CFAP20DC: variants seen among roughly 807,000 people sequenced by gnomAD.
CFAP20DC encodes the protein CFAP20 domain containing.
CFAP20DC carries 84 observed loss-of-function variants against 101.7 expected under a neutral mutation model. That is an observed-to-expected ratio of 0.83 (90% CI 0.69 to 0.99). The LOEUF (loss-of-function observed/expected upper bound fraction) is 0.99. CFAP20DC is among the 50% of genes least tolerant of loss of function. The pLI is 0.00. For missense variants in CFAP20DC, 1,007 were observed against 970.3 expected, an observed-to-expected ratio of 1.04 and a Z score of -0.50; for synonymous variants, 359 against 351.2, an observed-to-expected ratio of 1.02 and a Z score of -0.25.
chr3:58,805,797 C>T (rs185123098), intron 15 of CFAP20DC, among the ~76,000 whole-genome samples: 2 of 152,192 alleles, frequency 1.3e-5, no homozygotes, highest in African/African-American at 4.8e-5. Context: ...CCACTTGTTC[C>T]TAATGAACCA....
chr3:58,781,699 T>A (rs1029302971), intron 15 of CFAP20DC, among the ~76,000 whole-genome samples: 13 of 151,946 alleles, frequency 8.6e-5, no homozygotes, highest in Non-Finnish European at 1.8e-4. Context: ...AATGGATAAA[T>A]TCCTAAACAC....
chr3:58,830,349 G>A (rs1283374068), intron 14 of CFAP20DC, among the ~76,000 whole-genome samples: 1 of 152,082 alleles, frequency 6.6e-6, no homozygotes, highest in African/African-American at 2.4e-5. Flanking sequence ...CATCATGGTG[G>A]TCAGGAGCCC....
rs964916128 is a variant in CFAP20DC at position 58,799,761 on chromosome 3, G to A, written c.2237+6634C>T. 6.7e-6 allele frequency among the ~76,000 whole-genome samples: 1 copy of A among 148,150 alleles called. No homozygotes were observed. Among genetic ancestry groups the A allele is most frequent in the Admixed American group, 6.8e-5 (1 of 14,774 alleles). The stretch of plus-strand genomic sequence containing the variant: ...TGTGTGTGTGTGTGTGTGTGTGTGT[G>A]TGTGTGTAGAAAACAGACAAACAAG... On this transcript the variant is annotated intron_variant, in intron 15 of 16. Coordinates refer to ENST00000482387, the MANE Select transcript of CFAP20DC (RefSeq NM_001394063.1). The surrounding 1 kb of genome is among the most constrained non-coding windows in gnomAD (Gnocchi z 4.9).
chr3:59,034,631 A>C (rs1241281224), intron 4 of CFAP20DC, among the ~76,000 whole-genome samples: 1 of 152,230 alleles, frequency 6.6e-6, no homozygotes, highest in Non-Finnish European at 1.5e-5. Flanking sequence ...GATAAACGCA[A>C]CAAGAAGAGC....
chr3:58,935,201 G>T (rs2087364530), intron 5 of CFAP20DC, among the ~76,000 whole-genome samples: 1 of 152,094 alleles, frequency 6.6e-6, no homozygotes, highest in South Asian at 2.1e-4. Context: ...AAACACCTAG[G>T]AATCCAACTT....
At chr3:58,749,990 T>C (rs566229283) in intron 16 of CFAP20DC, among the ~76,000 whole-genome samples, 1 of 152,314 alleles carries the variant, frequency 6.6e-6, no homozygotes, top group African/African-American at 2.4e-5. Context: ...GGAGGAGCTG[T>C]GAAGAGCTGA....
rs139557313 is a variant in CFAP20DC at position 58,874,677 on chromosome 3, A to C, written c.716-4368T>G. On this transcript the variant is annotated intron_variant, in intron 7 of 16. Coordinates refer to ENST00000482387, the MANE Select transcript of CFAP20DC (RefSeq NM_001394063.1). This position sits in a 1 kb window ranked among gnomAD's most constrained non-coding sequence, Gnocchi z 5.1. ...GCCTCAGTTCACATATCATTTCCTC[A>C]GACAAGTCTTTGCAGACCTTTCTGA... Among the ~76,000 whole-genome samples, 32 of 152,296 alleles carry C rather than the reference A, an allele frequency of 2.1e-4. No homozygotes were observed. The highest frequency in any genetic ancestry group is 7.7e-4 in the African/African-American group (32 of 41,558).
In CFAP20DC at chr3:58,806,454, A is replaced by G; in HGVS notation, c.2178T>C (p.Pro726=). The G allele has an allele frequency of 6.2e-7, 1 of 1,610,268 alleles. No individual in the cohort carries two copies. Among genetic ancestry groups the G allele is most frequent in the Admixed American group, 1.7e-5 (1 of 60,030 alleles). The part of the protein sequence containing the change: ...TTTWNSCLPP[P]VNQGRHYQKE... Reference sequence around the variant, plus strand: ...TCTGATAGTGGCGACCCTGGTTGACAGGCTGGAAAAGACAAAACATTTGTG... The same window carrying G: ...TCTGATAGTGGCGACCCTGGTTGACGGGCTGGAAAAGACAAAACATTTGTG... Residue 726 remains proline (P), a splice_region_variant and synonymous_variant, in exon 15 of 17, where the codon CCT becomes CCC. Transcript: ENST00000482387.
intron 5 of CFAP20DC, among the ~76,000 whole-genome samples, chr3:58,932,450 C>CA (rs2086844986): frequency 1.3e-5 from 2 of 151,974 alleles, no homozygotes; most frequent in Non-Finnish European, 2.9e-5. Flanking sequence ...TCAAGAAGAG[C>CA]AACTCCAAGA....
intron 14 of CFAP20DC, among the ~76,000 whole-genome samples, chr3:58,819,092 A>T (rs1355303525): frequency 6.7e-6 from 1 of 149,436 alleles, no homozygotes; most frequent in Non-Finnish European, 1.5e-5. Context: ...TTTGAAACCA[A>T]CGAGAACAAA....
At chr3:58,893,229 A>G (rs1012246021) in intron 6 of CFAP20DC, among the ~76,000 whole-genome samples, 3 of 152,008 alleles carry the variant, frequency 2.0e-5, no homozygotes, top group Non-Finnish European at 4.4e-5. Context: ...TATTTTTAGT[A>G]GAGACGGGGT....
intron 4 of CFAP20DC, among the ~76,000 whole-genome samples, chr3:58,979,640 C>T (rs1043338554): frequency 6.6e-6 from 1 of 152,172 alleles, no homozygotes; most frequent in Non-Finnish European, 1.5e-5. Flanking sequence ...CCTTAAGCAA[C>T]AGCACTGAGT....
chr3:58,994,842 A>C (rs559150260), intron 4 of CFAP20DC, among the ~76,000 whole-genome samples: 2 of 152,224 alleles, frequency 1.3e-5, no homozygotes, highest in Non-Finnish European at 2.9e-5. Context: ...ACTTAAAAAA[A>C]AAAACAAAAA....
In CFAP20DC at chr3:58,869,473, C is replaced by T; in HGVS notation, c.870G>A (p.Gly290=). The change falls in exon 9 of 17, where the codon GGG becomes GGA. Residue 290 remains glycine (G), a synonymous_variant. Transcript: ENST00000482387. The surrounding 1 kb of genome is among the most constrained non-coding windows in gnomAD (Gnocchi z 4.3). ...GCTGGCATGATCGGTTATTTTTGGACCCAACGGATCTCACTGTCTGTAAAG... is the reference window on the plus strand; with the variant it reads ...GCTGGCATGATCGGTTATTTTTGGATCCAACGGATCTCACTGTCTGTAAAG... ...KISSETVRSV[G]SKNNRSCQPS... 1 of 1,610,548 alleles carries T rather than the reference C, an allele frequency of 6.2e-7. No homozygotes were observed. The highest frequency in any genetic ancestry group is 8.5e-7 in the Non-Finnish European group (1 of 1,178,614).
chr3:58,975,585 A>G (rs1220594995), intron 4 of CFAP20DC, among the ~76,000 whole-genome samples: 1 of 152,246 alleles, frequency 6.6e-6, no homozygotes, highest in Non-Finnish European at 1.5e-5. Flanking sequence ...ATGTAAAGTA[A>G]AAATTTGCAT....
intron 15 of CFAP20DC, among the ~76,000 whole-genome samples, chr3:58,776,227 G>A (rs1417917114): frequency 6.6e-6 from 1 of 152,180 alleles, no homozygotes; most frequent in African/African-American, 2.4e-5. Context: ...TGGGAGGCCA[G>A]AATATGCCAC....
intron 4 of CFAP20DC, among the ~76,000 whole-genome samples, chr3:58,947,778 A>C (rs2089551848): frequency 6.6e-6 from 1 of 152,178 alleles, no homozygotes; most frequent in African/African-American, 2.4e-5. Flanking sequence ...ATGAAGCAGG[A>C]GTGAGGGAGC....
rs2067658801 is a variant in CFAP20DC at position 58,732,195 on chromosome 3, T to G, written c.198-14567A>C. On this transcript the variant is annotated intron_variant, in intron 3 of 3. Coordinates refer to the CFAP20DC transcript ENST00000486145. This position sits in a 1 kb window ranked among gnomAD's most constrained non-coding sequence, Gnocchi z 5.4. ...AATAAAGCATTCAGCAGAGTCACGG[T>G]CCAAGGCCTACCCTAATGACTCGTT... is the stretch of plus-strand genomic sequence containing the variant. Among the ~76,000 whole-genome samples, 1 of 152,156 alleles carries G rather than the reference T, an allele frequency of 6.6e-6. No individual in the cohort carries two copies. The highest frequency in any genetic ancestry group is 2.4e-5 in the African/African-American group (1 of 41,430).
chr3:58,999,650 T>C (rs543314414), intron 4 of CFAP20DC, among the ~76,000 whole-genome samples: 3 of 152,164 alleles, frequency 2.0e-5, no homozygotes, highest in Admixed American at 1.3e-4. Context: ...AAAAGGGTCT[T>C]AATAGATCTT....
Sources: allele counts gnomAD v4.1 joint callset (sites outside exome capture counted in the v4.1 genomes callset), GRCh38; gene constraint gnomAD v4.1.1; non-coding constraint Gnocchi (gnomAD v3.1); transcripts MANE v1.5; gene names NCBI Gene and HGNC (gene_info 2026-07-23, HGNC 2026-07-21).